Variants in TEX36 observed in about 807,000 individuals in gnomAD.
TEX36 encodes the protein testis-expressed protein 36.
In TEX36, 12 loss-of-function variants were observed where a neutral mutation model predicts 13.6. The observed-to-expected ratio is 0.88, with a 90% CI of 0.56 to 1.43. The LOEUF (loss-of-function observed/expected upper bound fraction) is 1.43. Among genes scored for constraint, TEX36 ranks in the 40% most tolerant of loss-of-function variants. The pLI is 0.00. For missense variants in TEX36, 224 were observed against 228.3 expected, an observed-to-expected ratio of 0.98 and a Z score of 0.12; for synonymous variants, 93 against 83.0, an observed-to-expected ratio of 1.12 and a Z score of -0.65.
intron 3 of TEX36, among the ~76,000 whole-genome samples, chr10:125,590,890 G>A (rs941424051): frequency 4.6e-5 from 7 of 152,040 alleles, no homozygotes; most frequent in Admixed American, 3.9e-4. Flanking sequence ...GTTACAAAAG[G>A]GCTCCAAAAG....
chr10:125,645,179 T>C (rs1846749703), intron 3 of TEX36, among the ~76,000 whole-genome samples: 2 of 152,196 alleles, frequency 1.3e-5, no homozygotes, highest in South Asian at 4.1e-4. Context: ...AATGGTGTTG[T>C]TATAAGCCAC....
intron 3 of TEX36, among the ~76,000 whole-genome samples, chr10:125,600,623 T>C (rs1589748854): frequency 6.6e-6 from 1 of 152,196 alleles, no homozygotes; most frequent in Non-Finnish European, 1.5e-5. Context: ...CGCAGTCAAG[T>C]CACTTGCTGA....
At chr10:125,671,409 T>C (rs900134584) in intron 1 of TEX36, among the ~76,000 whole-genome samples, 1 of 152,250 alleles carries the variant, frequency 6.6e-6, no homozygotes, top group Non-Finnish European at 1.5e-5. Context: ...TTGTCTTTAG[T>C]TCTGTTCATG....
intron 3 of TEX36, among the ~76,000 whole-genome samples, chr10:125,610,974 C>T (rs191855600): frequency 3.3e-5 from 5 of 152,240 alleles, no homozygotes; most frequent in Non-Finnish European, 1.5e-5. Context: ...CTTACGTTTC[C>T]GTGGATGTGT....
At chr10:125,674,916 T>A (rs573752378) in intron 1 of TEX36, among the ~76,000 whole-genome samples, 44 of 152,348 alleles carry the variant, frequency 2.9e-4, no homozygotes, top group East Asian at 2.3e-3. Context: ...GGGCCCTGCT[T>A]AACGAAGCAC....
At chr10:125,608,283 G>T (rs79163962) in intron 3 of TEX36, among the ~76,000 whole-genome samples, 39,343 of 131,612 alleles carry the variant, frequency 0.3, 6,331 homozygotes, top group African/African-American at 0.58. Context: ...TTGTGATGAT[G>T]GTGATGATGG....
At chr10:125,634,120 T>C (rs2133569435) in intron 3 of TEX36, among the ~76,000 whole-genome samples, 1 of 152,300 alleles carries the variant, frequency 6.6e-6, no homozygotes, top group Non-Finnish European at 1.5e-5. Flanking sequence ...TGTATATTCA[T>C]TTAAGGGAGG....
intron 3 of TEX36, among the ~76,000 whole-genome samples, chr10:125,626,363 A>C (rs1003889238): frequency 2.0e-5 from 3 of 152,204 alleles, no homozygotes; most frequent in Admixed American, 2.0e-4. Flanking sequence ...GCCTGGCATC[A>C]GGACTGGCCA....
intron 3 of TEX36, among the ~76,000 whole-genome samples, chr10:125,613,627 TGC>T (rs1846319531): frequency 6.6e-6 from 1 of 152,022 alleles, no homozygotes; most frequent in Non-Finnish European, 1.5e-5. Flanking sequence ...TTTTTATGGC[TGC>T]ATAGTATTCC....
intron 3 of TEX36, among the ~76,000 whole-genome samples, chr10:125,596,960 A>C (rs989788147): frequency 6.6e-6 from 1 of 152,166 alleles, no homozygotes; most frequent in African/African-American, 2.4e-5. Flanking sequence ...TAAAAATATT[A>C]CCTACTTCAA....
intron 3 of TEX36, among the ~76,000 whole-genome samples, chr10:125,647,765 C>A (rs976849520): frequency 6.6e-6 from 1 of 152,120 alleles, no homozygotes; most frequent in Non-Finnish European, 1.5e-5. Flanking sequence ...AAAGGGAAGC[C>A]GTGACAGATG....
intron 3 of TEX36, among the ~76,000 whole-genome samples, chr10:125,633,974 A>G (rs1432495464): frequency 6.6e-6 from 1 of 152,138 alleles, no homozygotes; most frequent in Non-Finnish European, 1.5e-5. Flanking sequence ...CTAGGGTTCA[A>G]GTCTACCCCT....
chr10:125,647,496 G>A (rs1258606493), intron 3 of TEX36, among the ~76,000 whole-genome samples: 1 of 152,076 alleles, frequency 6.6e-6, no homozygotes, highest in African/African-American at 2.4e-5. Flanking sequence ...AAGCAAAGAG[G>A]AACAAAAAAC....
intron 3 of TEX36, among the ~76,000 whole-genome samples, chr10:125,581,682 A>G (rs1056245776): frequency 1.3e-5 from 2 of 152,216 alleles, no homozygotes; most frequent in African/African-American, 4.8e-5. Flanking sequence ...GAGTAATTGA[A>G]TTAAATCCTG....
At chr10:125,680,019 C>T (rs947418667) in intron 1 of TEX36, among the ~76,000 whole-genome samples, 3 of 152,232 alleles carry the variant, frequency 2.0e-5, no homozygotes, top group African/African-American at 7.2e-5. Context: ...ATACATACTG[C>T]TTTGCACCTT....
chr10:125,661,838 G>A lies in TEX36; in HGVS notation c.183+8C>T. On this transcript the variant is annotated splice_region_variant and intron_variant, in intron 2 of 3. Coordinates refer to ENST00000368821, the MANE Select transcript of TEX36 (RefSeq NM_001128202.3). Reference sequence around the variant, plus strand: ...AGCACATGGCAGTGGCCAGTGTTCAGGACTCACCTTCTCCCGGACTTTGTA... The same window carrying A: ...AGCACATGGCAGTGGCCAGTGTTCAAGACTCACCTTCTCCCGGACTTTGTA... 6.4e-7 allele frequency: 1 copy of A among 1,551,760 alleles called. No homozygotes were observed. The highest frequency in any genetic ancestry group is 8.7e-7 in the Non-Finnish European group (1 of 1,146,978).
At chr10:125,652,218 G>A (rs181649870), downstream of TEX36, among the ~76,000 whole-genome samples, 1 of 152,254 alleles carries the variant, frequency 6.6e-6, no homozygotes, top group East Asian at 1.9e-4. Flanking sequence ...AAAACTGGAG[G>A]CATCATGCTA....
chr10:125,584,546 C>T (rs1274061434), intron 3 of TEX36, among the ~76,000 whole-genome samples: 2 of 152,156 alleles, frequency 1.3e-5, no homozygotes. Flanking sequence ...ACGCCCTTAC[C>T]ACCAAGGTGA....
intron 3 of TEX36, among the ~76,000 whole-genome samples, chr10:125,609,734 G>C (rs1846267528): frequency 1.3e-5 from 2 of 152,184 alleles, no homozygotes; most frequent in Admixed American, 6.5e-5. Flanking sequence ...ACACGTTGCA[G>C]CAGCAACCCC....
Sources: gnomAD v4.1 joint callset for allele counts (sites outside exome capture counted in the v4.1 genomes callset) on GRCh38, gnomAD v4.1.1 for gene constraint, MANE v1.5 for transcripts, NCBI Gene and HGNC (gene_info 2026-07-23, HGNC 2026-07-21) for gene names.